ARSB: variants seen among roughly 807,000 people sequenced by gnomAD.
ARSB encodes the protein arylsulfatase B.
In ARSB, 41 loss-of-function variants were observed where a neutral mutation model predicts 50.9. The ratio of observed to expected loss-of-function variants is 0.81; its 90% CI spans 0.63 to 1.04. The LOEUF (loss-of-function observed/expected upper bound fraction) is 1.04. Among genes scored for constraint, ARSB ranks in the 50% least tolerant of loss-of-function variants. The pLI, the probability that ARSB is intolerant of heterozygous loss-of-function variation, is 0.00. For missense variants in ARSB, 672 were observed against 693.3 expected (o/e 0.97, Z 0.35); for synonymous variants, 269 against 284.8 (o/e 0.94, Z 0.56).
chr5:78,938,009 T>C (rs337842), intron 4 of ARSB, among the ~76,000 whole-genome samples: 28,887 of 152,136 alleles, frequency 0.19, 2,958 homozygotes, highest in East Asian at 0.45. Flanking sequence ...TCATGGTTTC[T>C]ACACTGGAAA....
chr5:78,950,620 G>C (rs1223586363), intron 4 of ARSB, among the ~76,000 whole-genome samples: 23 of 152,146 alleles, frequency 1.5e-4, no homozygotes, highest in Non-Finnish European at 5.9e-5. Context: ...GCCTGTCAAA[G>C]AATTAGAGTG....
chr5:78,784,798 CTTTT>C (rs370754347), intron 6 of ARSB, among the ~76,000 whole-genome samples: 1 of 124,856 alleles, frequency 8.0e-6, no homozygotes. Context: ...TTTTATTAGT[CTTTT>C]TTTTTTTTTT....
intron 4 of ARSB, among the ~76,000 whole-genome samples, chr5:78,955,070 C>T (rs1292992184): frequency 6.6e-6 from 1 of 152,194 alleles, no homozygotes; most frequent in Non-Finnish European, 1.5e-5. Context: ...CATGTGTTTT[C>T]AAGCCACAGT....
chr5:78,861,326 C>T (rs1746425351), intron 5 of ARSB, among the ~76,000 whole-genome samples: 1 of 152,254 alleles, frequency 6.6e-6, no homozygotes, highest in South Asian at 2.1e-4. Flanking sequence ...GAATTTTAGA[C>T]CAATATCCCT....
intron 6 of ARSB, among the ~76,000 whole-genome samples, chr5:78,821,484 T>C (rs1046483934): frequency 6.6e-6 from 1 of 152,140 alleles, no homozygotes; most frequent in Admixed American, 6.6e-5. Flanking sequence ...ATAATGAAAA[T>C]GGAAATGTAT....
chr5:78,942,125 G>C (rs1370324536), intron 4 of ARSB, among the ~76,000 whole-genome samples: 1 of 152,170 alleles, frequency 6.6e-6, no homozygotes, highest in Admixed American at 6.5e-5. Context: ...GATCAGTGGT[G>C]ATATCCCCTT....
intron 5 of ARSB, among the ~76,000 whole-genome samples, chr5:78,855,927 A>G (rs1463948525): frequency 6.6e-6 from 1 of 152,134 alleles, no homozygotes; most frequent in Non-Finnish European, 1.5e-5. Flanking sequence ...TCACCAGGGT[A>G]TCTGTTACTT....
At chr5:78,791,609 C>G (rs1749237392) in intron 6 of ARSB, among the ~76,000 whole-genome samples, 1 of 152,246 alleles carries the variant, frequency 6.6e-6, no homozygotes, top group East Asian at 1.9e-4. Flanking sequence ...CCAGTCTGCT[C>G]ATGGTTTTGA....
intron 5 of ARSB, among the ~76,000 whole-genome samples, chr5:78,849,467 AG>A (rs1276916213): frequency 6.6e-6 from 1 of 151,246 alleles, no homozygotes; most frequent in African/African-American, 2.4e-5. Context: ...TGGTTACTGT[AG>A]CCTTGTAGTA....
chr5:78,818,598 C>CT lies in ARSB; in HGVS notation c.1213+20757dup, dbSNP rs775162579. Among the ~76,000 whole-genome samples, 302 of 74,190 alleles carry CT rather than the reference C, an allele frequency of 4.1e-3. 25 individuals carry two copies. The highest frequency in any genetic ancestry group is 0.012 in the African/African-American group (227 of 18,242). The allele number at this position is 74,190 out of a possible 152,430, so 48.7% of individuals were successfully genotyped here. A position where few individuals can be genotyped will look rare whatever the true frequency, so the allele number is the denominator to read the frequency against. The stretch of plus-strand genomic sequence containing the variant: ...TGGAAAGAACCCATAAAATAAAGCT[C>CT]TTTTTTTTTTTTTTTTTTTTTTTTT... On this transcript the variant is annotated intron_variant, in intron 6 of 7. Coordinates refer to ENST00000264914, the MANE Select transcript of ARSB (RefSeq NM_000046.5).
chr5:78,969,199 G>A lies in ARSB; in HGVS notation c.313-7C>T. ...GCTGTAAACCTGTACGGATCTTACA[G>A]AGATAAACATAAAATTATAGATTAA... On this transcript the variant is annotated splice_region_variant and splice_polypyrimidine_tract_variant and intron_variant, in intron 1 of 7. Transcript: ENST00000264914. The A allele has an allele frequency of 6.2e-7, 1 of 1,613,872 alleles. No individual in the cohort carries two copies. The highest frequency in any genetic ancestry group is 8.5e-7 in the Non-Finnish European group (1 of 1,179,806).
intron 6 of ARSB, among the ~76,000 whole-genome samples, chr5:78,786,754 G>C (rs1012016835): frequency 1.3e-5 from 2 of 152,116 alleles, no homozygotes; most frequent in Non-Finnish European, 2.9e-5. Context: ...AGAATAGCGG[G>C]GACTACAGGC....
chr5:78,954,106 A>G (rs900861517), intron 4 of ARSB, among the ~76,000 whole-genome samples: 28 of 151,778 alleles, frequency 1.8e-4, no homozygotes, highest in East Asian at 1.9e-4. Flanking sequence ...AGGAGAGGGA[A>G]AAAAAAAACT....
intron 6 of ARSB, among the ~76,000 whole-genome samples, chr5:78,805,292 G>C (rs1743521162): frequency 6.6e-6 from 1 of 152,150 alleles, no homozygotes; most frequent in South Asian, 2.1e-4. Flanking sequence ...TGCCATATTA[G>C]GGACATATCA....
chr5:78,932,710 A>G (rs1750388395), intron 4 of ARSB, among the ~76,000 whole-genome samples: 1 of 152,242 alleles, frequency 6.6e-6, no homozygotes, highest in Admixed American at 6.5e-5. Context: ...GGATAATAGT[A>G]GTACCTATTA....
At chr5:78,875,480 G>A (rs758582767) in intron 5 of ARSB, among the ~76,000 whole-genome samples, 35 of 151,994 alleles carry the variant, frequency 2.3e-4, no homozygotes, top group Non-Finnish European at 4.1e-4. Context: ...TGCTGTAGAC[G>A]TTAGTTTATT....
At chr5:78,867,302 G>T (rs567413536) in intron 5 of ARSB, among the ~76,000 whole-genome samples, 7,817 of 151,914 alleles carry the variant, frequency 0.051, 643 homozygotes, top group African/African-American at 0.18. Context: ...AGCTCGAACT[G>T]GGTGGAGCCC....
chr5:78,865,207 T>C (rs1196953512), intron 5 of ARSB, among the ~76,000 whole-genome samples: 1 of 152,234 alleles, frequency 6.6e-6, no homozygotes, highest in Non-Finnish European at 1.5e-5. Context: ...AACTCTTGCC[T>C]GGGCATCCAG....
chr5:78,953,904 G>C (rs1293662155), intron 4 of ARSB, among the ~76,000 whole-genome samples: 3 of 152,088 alleles, frequency 2.0e-5, no homozygotes, highest in Non-Finnish European at 4.4e-5. Flanking sequence ...AAGAGTAATG[G>C]TTAAGAGCAC....
Sources: gnomAD v4.1 joint callset for allele counts (sites outside exome capture counted in the v4.1 genomes callset) on GRCh38, gnomAD v4.1.1 for gene constraint, MANE v1.5 for transcripts, NCBI Gene and HGNC (gene_info 2026-07-23, HGNC 2026-07-21) for gene names.